Variants in NAXE observed in about 807,000 individuals in gnomAD.
NAXE encodes NAD(P)HX epimerase, also known as NAD(P)H-hydrate epimerase.
In NAXE, 25 loss-of-function variants were observed where a neutral mutation model predicts 31.2. The observed-to-expected ratio is 0.80, with a 90% CI of 0.58 to 1.12. The LOEUF is 1.12. Ranked by LOEUF, NAXE falls within the 50% of genes most tolerant of loss-of-function variation. The pLI is 0.00. For missense variants in NAXE, 362 were observed against 376.1 expected, an observed-to-expected ratio of 0.96 and a Z score of 0.31; for synonymous variants, 144 against 154.5, an observed-to-expected ratio of 0.93 and a Z score of 0.50.
rs145909315 is a variant in NAXE, at chr1:156,592,367, A to G, written c.294A>G (p.Ala98=). ...ACCACCCTTGACTCTGCCTTCAGGC[A>G]TATCCCCCCACGTCCATGTCCAGGA... The part of the protein sequence containing the change: ...GLSCATAIAK[A]YPPTSMSRSP... The change falls in exon 3 of 6, where the codon GCA becomes GCG. Residue 98 remains alanine, a splice_region_variant and synonymous_variant. Coordinates refer to ENST00000368235, the MANE Select transcript of NAXE (RefSeq NM_144772.3). 975 of 1,613,946 alleles carry G rather than the reference A, an allele frequency of 6.0e-4. No individual in the cohort carries two copies. Among genetic ancestry groups the G allele is most frequent in the Non-Finnish European group, 7.3e-4 (864 of 1,179,984 alleles).
Position 156,591,854 on chromosome 1 carries a change from C to T in NAXE, c.50C>T (p.Ser17Leu), listed in dbSNP as rs202094958. The T allele has an allele frequency of 9.0e-5, 145 of 1,610,660 alleles. No homozygotes were observed. In the East Asian group the frequency reaches 3.2e-3, roughly 35 times the overall value. Residue 17 changes from serine (S) to leucine (L), a missense_variant, in exon 1 of 6, where the codon TCG (serine) becomes TTG (leucine). Physicochemically the swap from Ser to Leu is moderately radical, Grantham distance 145 (BLOSUM62 -2). Coordinates refer to ENST00000368235, the MANE Select transcript of NAXE (RefSeq NM_144772.3). ...LLGLGLLVAG[S>L]RVPRIKSQTI... Reference sequence around the variant, plus strand: ...GGCCTCGGGCTGCTGGTTGCGGGCTCGCGCGTGCCGCGGATCAAAAGCCAG... The same window carrying T: ...GGCCTCGGGCTGCTGGTTGCGGGCTTGCGCGTGCCGCGGATCAAAAGCCAG...
Position 156,592,476 on chromosome 1 carries a change from G to A in NAXE, c.402+1G>A. On this transcript the variant is annotated splice_donor_variant, in intron 3 of 5. Coordinates refer to ENST00000368235, the MANE Select transcript of NAXE (RefSeq NM_144772.3). LOFTEE classifies it high-confidence loss of function. ...CTGTGCTCGACACCTCAAACTCTTTGTGAGTATGTGGGGAGGGGCTGTGGG... is the reference window on the plus strand; with the variant it reads ...CTGTGCTCGACACCTCAAACTCTTTATGAGTATGTGGGGAGGGGCTGTGGG... The A allele has an allele frequency of 1.2e-6, 2 of 1,613,878 alleles. No individual in the cohort carries two copies. The highest frequency in any genetic ancestry group is 1.1e-5 in the South Asian group (1 of 91,076).
intron 5 of NAXE, 37 bp downstream of exon 5, chr1:156,593,592 G>A (rs760786803): frequency 1.2e-6 from 2 of 1,613,350 alleles, no homozygotes; most frequent in Non-Finnish European, 1.7e-6. Flanking sequence ...GGGAGATTGG[G>A]GCCCTACCCT....
chr1:156,592,716 C>G, intron 4 of NAXE, 46 bp downstream of exon 4: 1 of 1,503,604 alleles, frequency 6.7e-7, no homozygotes, highest in Non-Finnish European at 9.2e-7. Flanking sequence ...TAACCACTGC[C>G]TGTGCTCTGC....
intron 4 of NAXE, 165 bp downstream of exon 4, chr1:156,592,835 G>A: frequency 3.1e-6 from 2 of 634,986 alleles, no homozygotes; most frequent in South Asian, 2.0e-5. Flanking sequence ...TTCATAAAGT[G>A]TGCTCCATGA....
intron 4 of NAXE, 71 bp from the exon 5 acceptor site, chr1:156,593,337 G>A (rs1392631248): frequency 6.4e-7 from 1 of 1,556,240 alleles, no homozygotes; most frequent in Non-Finnish European, 8.7e-7. Flanking sequence ...CAGGTGCAGA[G>A]GACAGCCCTC....
Position 156,593,976 on chromosome 1 carries a change from T to C in NAXE, c.759T>C (p.Gly253=), listed in dbSNP as rs752669431. The C allele has an allele frequency of 2.5e-6, 4 of 1,614,170 alleles. No homozygotes were observed. The highest frequency in any genetic ancestry group is 2.2e-5 in the South Asian group (2 of 91,084). ...AAAAATCTGCAACCCAGTTTACCGG[T>C]CGCTACCATTACCTGGGGGGTCGTT... The part of the protein sequence containing the change: ...APKKSATQFT[G]RYHYLGGRFV... The change falls in exon 6 of 6, where the codon GGT becomes GGC. Residue 253 remains glycine, a synonymous_variant. Transcript: ENST00000368235.
rs954061256 is a variant in NAXE, at chr1:156,592,377, A to G, written c.304A>G (p.Thr102Ala). 2 of 1,613,682 alleles carry G rather than the reference A, an allele frequency of 1.2e-6. No individual in the cohort carries two copies. Among genetic ancestry groups the G allele is most frequent in the South Asian group, 1.1e-5 (1 of 91,058 alleles). Residue 102 changes from threonine to alanine, a missense_variant, in exon 3 of 6, where the codon ACG becomes GCG. Thr to Ala is a moderately conservative substitution (Grantham distance 58, BLOSUM62 0). Coordinates refer to ENST00000368235, the MANE Select transcript of NAXE (RefSeq NM_144772.3). The stretch of plus-strand genomic sequence containing the variant: ...ACTCTGCCTTCAGGCATATCCCCCC[A>G]CGTCCATGTCCAGGAGCCCCCCTAC... ...ATAIAKAYPP[T>A]SMSRSPPTVL...
Position 156,592,215 on chromosome 1 carries a change from T to TAA in NAXE, c.291+6_291+7insAA. On this transcript the variant is annotated splice_region_variant and intron_variant, in intron 2 of 5. Coordinates refer to ENST00000368235, the MANE Select transcript of NAXE (RefSeq NM_144772.3). ...GTGCTACAGCCATCGCCAAGGTCAG[T>TAA]GGCACAACTCTCGACCTTTGGGAGC... 6.2e-7 allele frequency: 1 copy of TAA among 1,613,910 alleles called. No individual in the cohort carries two copies. The highest frequency in any genetic ancestry group is 8.5e-7 in the Non-Finnish European group (1 of 1,179,934).
At chr1:156,592,045 C>A in intron 1 of NAXE, 56 bp from the exon 2 acceptor site, 2 of 1,613,586 alleles carry the variant, frequency 1.2e-6, no homozygotes, top group East Asian at 4.5e-5. Flanking sequence ...GACGGCCGGG[C>A]CACCTGCGCG....
In NAXE at chr1:156,594,230, AG is replaced by A. The variant is rs1326696128; in HGVS notation, c.*150del. ...CCTGGGGATTGGGTGCCATCTCTCT[AG>A]GGGTAACACAAAGGGCAAGAGGTTG... On this transcript the variant is annotated 3_prime_UTR_variant, in exon 6 of 6. Coordinates refer to ENST00000368235, the MANE Select transcript of NAXE (RefSeq NM_144772.3). 2.2e-5 allele frequency: 17 copies of A among 777,778 alleles called. No homozygotes were observed. The highest frequency in any genetic ancestry group is 3.5e-5 in the Non-Finnish European group (17 of 486,792). The allele number at this position is 777,778 out of a possible 1,614,324, so 48.2% of individuals were successfully genotyped here.
chr1:156,593,403 C>T lies in NAXE; in HGVS notation c.517-5C>T. On this transcript the variant is annotated splice_region_variant and splice_polypyrimidine_tract_variant and intron_variant, in intron 4 of 5. Transcript: ENST00000368235. ...CTCTGACATCCTTTTCCTGCTCCAC[C>T]ACAGCCCATGACGATTGATGAACTG... 4 of 1,612,094 alleles carry T rather than the reference C, an allele frequency of 2.5e-6. No homozygotes were observed. In the South Asian group the frequency reaches 4.4e-5, roughly 18 times the overall value.
chr1:156,594,290 T>TA lies in NAXE; in HGVS notation c.*207dup. 1.7e-6 allele frequency: 1 copy of TA among 589,708 alleles called. No homozygotes were observed. The highest frequency in any genetic ancestry group is 3.0e-6 in the Non-Finnish European group (1 of 333,486). The allele number at this position is 589,708 out of a possible 1,614,324, so 36.5% of individuals were successfully genotyped here. A position where few individuals can be genotyped will look rare whatever the true frequency, so the allele number is the denominator to read the frequency against. On this transcript the variant is annotated 3_prime_UTR_variant, in exon 6 of 6. Coordinates refer to ENST00000368235, the MANE Select transcript of NAXE (RefSeq NM_144772.3). ...TTTGGAAACAATGAAAATGGACTGT[T>TA]AGATGCCAAGTGAGTTGTGCTGTCC...
chr1:156,591,917 C>G lies in NAXE; in HGVS notation c.113C>G (p.Pro38Arg). ...CGCTCGGGACCCACCTGGTGGGGAC[C>G]GCAGCGGCTGAACTCGGGTGGCCGC... is the stretch of plus-strand genomic sequence containing the variant. Reference protein sequence around the residue: ...ACRSGPTWWGPQRLNSGGRWD... With the variant: ...ACRSGPTWWGRQRLNSGGRWD... The change falls in exon 1 of 6, where the codon CCG becomes CGG. Residue 38 changes from proline (P) to arginine (R), a missense_variant. Coordinates refer to ENST00000368235, the MANE Select transcript of NAXE (RefSeq NM_144772.3). 4 of 1,612,552 alleles carry G rather than the reference C, an allele frequency of 2.5e-6. No homozygotes were observed. The highest frequency in any genetic ancestry group is 3.4e-6 in the Non-Finnish European group (4 of 1,179,670).
chr1:156,592,959 C>A (rs775499640), intron 4 of NAXE: 116 of 456,310 alleles, frequency 2.5e-4, no homozygotes, highest in Non-Finnish European at 3.8e-4. Context: ...ATGATCTACC[C>A]CTCAGGGGCC....
In NAXE at chr1:156,592,483, T is replaced by C. The variant is rs1677358338; in HGVS notation, c.402+8T>C. 4 of 1,613,826 alleles carry C rather than the reference T, an allele frequency of 2.5e-6. No homozygotes were observed. The highest frequency in any genetic ancestry group is 2.7e-5 in the African/African-American group (2 of 74,984). ...CGACACCTCAAACTCTTTGTGAGTA[T>C]GTGGGGAGGGGCTGTGGGGGAGGAG... On this transcript the variant is annotated splice_region_variant and intron_variant, in intron 3 of 5. Coordinates refer to ENST00000368235, the MANE Select transcript of NAXE (RefSeq NM_144772.3).
chr1:156,593,730 A>G (rs1677410650), intron 5 of NAXE, 152 bp from the exon 6 acceptor site: 2 of 1,315,340 alleles, frequency 1.5e-6, no homozygotes, highest in East Asian at 4.6e-5. Flanking sequence ...CCCCATGAAG[A>G]GACCACGGCC....
At position 156,592,369 on chromosome 1, in the gene NAXE, A is replaced by G; in HGVS notation, c.296A>G (p.Tyr99Cys). 1 of 1,614,010 alleles carries G rather than the reference A, an allele frequency of 6.2e-7. No homozygotes were observed. Among genetic ancestry groups the G allele is most frequent in the Non-Finnish European group, 8.5e-7 (1 of 1,179,954 alleles). Reference sequence around the variant, plus strand: ...CACCCTTGACTCTGCCTTCAGGCATATCCCCCCACGTCCATGTCCAGGAGC... The same window carrying G: ...CACCCTTGACTCTGCCTTCAGGCATGTCCCCCCACGTCCATGTCCAGGAGC... Reference protein sequence around the residue: ...LSCATAIAKAYPPTSMSRSPP... With the variant: ...LSCATAIAKACPPTSMSRSPP... Residue 99 changes from tyrosine (Y) to cysteine (C), a missense_variant, in exon 3 of 6, where the codon TAT (tyrosine) becomes TGT (cysteine). Physicochemically the swap from Tyr to Cys is radical, Grantham distance 194 (BLOSUM62 -2). Transcript: ENST00000368235.
chr1:156,593,347 C>T (rs778969704), intron 4 of NAXE, 61 bp from the exon 5 acceptor site: 6 of 1,572,006 alleles, frequency 3.8e-6, no homozygotes, highest in Non-Finnish European at 5.2e-6. Context: ...GGACAGCCCT[C>T]TCCAGTTAAG....
Sources: allele counts gnomAD v4.1 joint callset, GRCh38; gene constraint gnomAD v4.1.1; transcripts MANE v1.5; gene names NCBI Gene and HGNC (gene_info 2026-07-23, HGNC 2026-07-21).